UCHL3: variants seen among roughly 807,000 people sequenced by gnomAD.
The protein encoded by UCHL3 is ubiquitin carboxyl-terminal hydrolase isozyme L3.
Under a neutral mutation model 35.8 loss-of-function variants are expected in UCHL3, and 22 were observed. That is an observed-to-expected ratio of 0.61 (90% confidence interval 0.44 to 0.88). The LOEUF is 0.88. Ranked by LOEUF, UCHL3 falls within the 40% of genes least tolerant of loss-of-function variation. The probability of loss-of-function intolerance (pLI) is 0.00; values close to 1 mark genes in which losing one functional copy is unlikely to be tolerated. For missense variants in UCHL3, 229 were observed against 276.9 expected (o/e 0.83, Z 1.23); for synonymous variants, 90 against 92.8 (o/e 0.97, Z 0.17).
At chr13:75,573,268 A>G (rs76659378) in intron 6 of UCHL3, among the ~76,000 whole-genome samples, 2 of 2,694 alleles carry the variant, frequency 7.4e-4, no homozygotes, top group Non-Finnish European at 1.1e-3. Flanking sequence ...CTGTCTCAGA[A>G]AAAAAAAAAA....
At chr13:75,559,128 C>T (rs1355744522) in intron 2 of UCHL3, among the ~76,000 whole-genome samples, 1 of 147,970 alleles carries the variant, frequency 6.8e-6, no homozygotes, top group African/African-American at 2.5e-5. Flanking sequence ...CAAGCTCCGC[C>T]TCCCGGGTTC....
At chr13:75,603,661 A>G (rs1328960740) in intron 7 of UCHL3, among the ~76,000 whole-genome samples, 2 of 143,948 alleles carry the variant, frequency 1.4e-5, no homozygotes, top group Non-Finnish European at 3.1e-5. Context: ...AAGAATAAGC[A>G]TTTACCACAA....
At chr13:75,594,753 G>A (rs1478562515) in intron 6 of UCHL3, among the ~76,000 whole-genome samples, 162 bp from the exon 7 acceptor site, 2 of 152,092 alleles carry the variant, frequency 1.3e-5, no homozygotes, top group African/African-American at 2.4e-5. Flanking sequence ...ACAAACACAG[G>A]CATGGTCACT....
intron 7 of UCHL3, among the ~76,000 whole-genome samples, chr13:75,597,634 A>G (rs2032677768): frequency 6.6e-6 from 1 of 152,224 alleles, no homozygotes; most frequent in African/African-American, 2.4e-5. Context: ...TTATATGCAA[A>G]TACTATACCA....
chr13:75,558,129 T>C (rs758725841), intron 2 of UCHL3, among the ~76,000 whole-genome samples: 20 of 152,208 alleles, frequency 1.3e-4, no homozygotes, highest in Non-Finnish European at 2.6e-4. Context: ...ATATATTCAG[T>C]AGATATTAGT....
chr13:75,579,821 A>G (rs939249450), intron 6 of UCHL3, among the ~76,000 whole-genome samples: 11 of 152,132 alleles, frequency 7.2e-5, no homozygotes, highest in African/African-American at 2.7e-4. Flanking sequence ...AGTAGAGGGT[A>G]ATGTTAGGAT....
intron 2 of UCHL3, among the ~76,000 whole-genome samples, chr13:75,556,544 G>A (rs1004510113): frequency 6.6e-6 from 1 of 152,184 alleles, no homozygotes; most frequent in African/African-American, 2.4e-5. Context: ...TGAAAGGAAA[G>A]TGAATTTTAT....
chr13:75,606,006 G>C lies in UCHL3; in HGVS notation c.*194G>C. 1.9e-6 allele frequency: 1 copy of C among 538,248 alleles called. No individual in the cohort carries two copies. The highest frequency in any genetic ancestry group is 3.3e-6 in the Non-Finnish European group (1 of 304,396). The allele number at this position is 538,248 out of a possible 1,614,324, so 33.3% of individuals were successfully genotyped here. A position where few individuals can be genotyped will look rare whatever the true frequency, so the allele number is the denominator to read the frequency against. The stretch of plus-strand genomic sequence containing the variant: ...TGCAATGCTTTCCTCCTCTTTTCTT[G>C]TGAAGGATTTATCTTGTTTGAAAAC... On this transcript the variant is annotated 3_prime_UTR_variant, in exon 9 of 9. Coordinates refer to ENST00000377595, the MANE Select transcript of UCHL3 (RefSeq NM_006002.5).
chr13:75,558,011 A>G (rs1295288831), intron 2 of UCHL3, among the ~76,000 whole-genome samples: 1 of 147,568 alleles, frequency 6.8e-6, no homozygotes, highest in East Asian at 2.0e-4. Flanking sequence ...CCTCTTCTCT[A>G]CCCTTTCTCC....
At chr13:75,570,097 A>G (rs7139862) in intron 6 of UCHL3, among the ~76,000 whole-genome samples, 87,599 of 151,888 alleles carry the variant, frequency 0.58, 27,063 homozygotes, top group Non-Finnish European at 0.69. Flanking sequence ...GTATCACTCT[A>G]AGAGGAAGTT....
At chr13:75,550,361 A>C (rs1417147606) in intron 2 of UCHL3, among the ~76,000 whole-genome samples, 1 of 151,890 alleles carries the variant, frequency 6.6e-6, no homozygotes, top group Non-Finnish European at 1.5e-5. Context: ...ATTTGCCCAC[A>C]CTTCCTGACT....
intron 6 of UCHL3, among the ~76,000 whole-genome samples, chr13:75,579,716 C>CT (rs796237427): frequency 2.4e-4 from 36 of 152,248 alleles, no homozygotes; most frequent in African/African-American, 6.5e-4. Flanking sequence ...TGAAACTCGT[C>CT]TAAGAATGCT....
intron 6 of UCHL3, among the ~76,000 whole-genome samples, chr13:75,581,094 C>T (rs1396610648): frequency 6.6e-6 from 1 of 151,994 alleles, no homozygotes; most frequent in Non-Finnish European, 1.5e-5. Context: ...ACCCATAAAC[C>T]AGCCACAGTC....
chr13:75,579,883 CA>C (rs1279987617), intron 6 of UCHL3, among the ~76,000 whole-genome samples: 5 of 152,066 alleles, frequency 3.3e-5, no homozygotes, highest in Non-Finnish European at 7.4e-5. Context: ...GGGCTACTCT[CA>C]AACTGTAAAG....
At chr13:75,576,544 CAG>C (rs953549137) in intron 6 of UCHL3, among the ~76,000 whole-genome samples, 2 of 152,016 alleles carry the variant, frequency 1.3e-5, no homozygotes, top group Non-Finnish European at 2.9e-5. Context: ...TTAGTAGAGA[CAG>C]GGTTTCACAG....
In UCHL3 at chr13:75,550,017, C is replaced by T. The variant is rs368826511; in HGVS notation, c.54+30C>T. ...GTGAGGTGTCTGTCGCTCGGGACCT[C>T]GGAGTCTTTTCTGTCTGCTCGGTCC... On this transcript the variant is annotated intron_variant, in intron 2 of 8. Transcript: ENST00000377595. 15 of 1,614,212 alleles carry T rather than the reference C, an allele frequency of 9.3e-6. No homozygotes were observed. In the Middle Eastern group the frequency reaches 4.9e-4, roughly 53 times the overall value.
chr13:75,592,437 T>TACATATATAC (rs1566227988), intron 6 of UCHL3, among the ~76,000 whole-genome samples: 6 of 59,226 alleles, frequency 1.0e-4, no homozygotes, highest in South Asian at 1.2e-3. Context: ...TATATATATA[T>TACATATATAC]ATATATATAT....
At chr13:75,558,570 A>G (rs555481021) in intron 2 of UCHL3, among the ~76,000 whole-genome samples, 1 of 152,316 alleles carries the variant, frequency 6.6e-6, no homozygotes, top group African/African-American at 2.4e-5. Context: ...ACTTTTCCTT[A>G]AAAGGCAATT....
chr13:75,603,639 A>T (rs1339317487), intron 7 of UCHL3, among the ~76,000 whole-genome samples: 1 of 151,996 alleles, frequency 6.6e-6, no homozygotes, highest in Non-Finnish European at 1.5e-5. Flanking sequence ...ATAAACATAG[A>T]ATAGTCTATT....
Sources: allele counts gnomAD v4.1 joint callset (sites outside exome capture counted in the v4.1 genomes callset), GRCh38; gene constraint gnomAD v4.1.1; transcripts MANE v1.5; gene names NCBI Gene and HGNC (gene_info 2026-07-23, HGNC 2026-07-21).